Variants in FAT3 observed in about 807,000 individuals in gnomAD.
FAT3 encodes the protein FAT atypical cadherin 3, also known as protocadherin Fat 3.
Under a neutral mutation model 310.2 loss-of-function variants are expected in FAT3, and 95 were observed. That is an observed-to-expected ratio of 0.31 (90% CI 0.26 to 0.36). FAT3 has a LOEUF of 0.36. Among genes scored for constraint, FAT3 ranks in the 10% least tolerant of loss-of-function variants. The pLI is 1.00. For synonymous variants in FAT3, 2,314 were observed against 2,192.9 expected (o/e 1.06, Z -1.54); for missense variants, 5,408 against 5,715.6 (o/e 0.95, Z 1.74).
At chr11:92,773,962 C>G in intron 6 of FAT3, 79 bp from the exon 7 acceptor site, 1 of 1,512,906 alleles carries the variant, frequency 6.6e-7, no homozygotes, top group African/African-American at 1.4e-5. Flanking sequence ...TGTATAAGAG[C>G]TCCCTTTAAA....
chr11:92,829,062 T>TA (rs1948171789), intron 13 of FAT3, among the ~76,000 whole-genome samples: 2 of 152,168 alleles, frequency 1.3e-5, no homozygotes, highest in South Asian at 4.1e-4. Context: ...TGTCAGAAAT[T>TA]ACCTTCTTCC....
chr11:92,304,380 G>T (rs1947069985), intron 1 of FAT3, among the ~76,000 whole-genome samples: 1 of 152,084 alleles, frequency 6.6e-6, no homozygotes, highest in Non-Finnish European at 1.5e-5. Flanking sequence ...CTGCTTTACA[G>T]TTTCAGGGAG....
chr11:92,344,361 C>T (rs1054862387), intron 1 of FAT3, among the ~76,000 whole-genome samples: 1 of 152,140 alleles, frequency 6.6e-6, no homozygotes, highest in Non-Finnish European at 1.5e-5. Flanking sequence ...CTTTGTCCAG[C>T]GTGTCCATGC....
chr11:92,432,828 G>A (rs1375876031), intron 2 of FAT3, among the ~76,000 whole-genome samples: 1 of 152,144 alleles, frequency 6.6e-6, no homozygotes, highest in African/African-American at 2.4e-5. Context: ...CTGAAGCTGT[G>A]CCCATAGCTG....
At chr11:92,513,316 C>A (rs1465359942) in intron 2 of FAT3, among the ~76,000 whole-genome samples, 1 of 152,132 alleles carries the variant, frequency 6.6e-6, no homozygotes, top group Admixed American at 6.6e-5. Flanking sequence ...TGTTACCACA[C>A]ACTGTGCTGA....
At chr11:92,424,058 GGTTTT>G (rs553735323) in intron 2 of FAT3, among the ~76,000 whole-genome samples, 5 of 151,976 alleles carry the variant, frequency 3.3e-5, no homozygotes, top group Non-Finnish European at 7.4e-5. Context: ...CACCTACAAA[GGTTTT>G]GTTTTGTTTT....
At chr11:92,607,664 A>G (rs1429185787) in intron 3 of FAT3, among the ~76,000 whole-genome samples, 1 of 152,202 alleles carries the variant, frequency 6.6e-6, no homozygotes. Context: ...AATGCTGAGC[A>G]TCCTTGTGAA....
At chr11:92,413,118 A>G (rs1251266834) in intron 2 of FAT3, among the ~76,000 whole-genome samples, 1 of 152,144 alleles carries the variant, frequency 6.6e-6, no homozygotes, top group Non-Finnish European at 1.5e-5. Context: ...AACCCCTGTC[A>G]ATCACTGATC....
Position 92,801,613 on chromosome 11 carries a change from A to T in FAT3, c.8600A>T (p.Asn2867Ile). ...SQPEKVMEAF[N>I]IDSNTGWIST... ...CCCGAAAAGGTAATGGAAGCATTCA[A>T]TATTGACAGCAACACGGGCTGGATC... The change falls in exon 10 of 28, where the codon AAT becomes ATT. Residue 2867 changes from asparagine to isoleucine, a missense_variant. Around this residue, in one of 5 missense-constraint regions of FAT3, gnomAD observed 4,588 missense variants for 4,809.8 expected, o/e 0.95. Transcript: ENST00000525166. 1.9e-6 allele frequency: 3 copies of T among 1,613,510 alleles called. No individual in the cohort carries two copies. The highest frequency in any genetic ancestry group is 2.5e-6 in the Non-Finnish European group (3 of 1,179,682).
intron 1 of FAT3, among the ~76,000 whole-genome samples, chr11:92,306,543 TTA>T (rs1349023361): frequency 7.7e-5 from 10 of 130,380 alleles, no homozygotes; most frequent in South Asian, 2.2e-4. Flanking sequence ...TATATTTATA[TTA>T]TATATGTTAT....
chr11:92,525,020 T>A, intron 3 of FAT3, 72 bp downstream of exon 3: 2 of 1,236,928 alleles, frequency 1.6e-6, no homozygotes, highest in Non-Finnish European at 2.3e-6. Flanking sequence ...TGACACTTTC[T>A]GTACTCATTT....
chr11:92,762,794 C>T (rs1946189380), intron 5 of FAT3, among the ~76,000 whole-genome samples: 1 of 152,112 alleles, frequency 6.6e-6, no homozygotes, highest in African/African-American at 2.4e-5. Context: ...CTCCCCTGAT[C>T]CCAACCACTT....
At chr11:92,586,896 G>A (rs1160702845) in intron 3 of FAT3, among the ~76,000 whole-genome samples, 1 of 151,874 alleles carries the variant, frequency 6.6e-6, no homozygotes, top group Non-Finnish European at 1.5e-5. Context: ...TAACTGGAGA[G>A]GTTTTTAGAA....
In FAT3 at chr11:92,893,043, T is replaced by C. The variant is rs1949950383; in HGVS notation, c.*1930T>C. 1 of 152,258 alleles carries C rather than the reference T, an allele frequency of 6.6e-6. No homozygotes were observed. The highest frequency in any genetic ancestry group is 2.4e-5 in the African/African-American group (1 of 41,472). 9.4% of individuals were successfully genotyped at this position (152,258 alleles called of 1,614,324 possible). On this transcript the variant is annotated 3_prime_UTR_variant, in exon 28 of 28. Coordinates refer to ENST00000525166, the MANE Select transcript of FAT3 (RefSeq NM_001367949.2). ...AGTTTCTGATGACATATGGCATTGG[T>C]GTGTAAATTGTACTGTCCCTAGTCT...
chr11:92,838,030 ACT>A (rs1948449976), intron 17 of FAT3, among the ~76,000 whole-genome samples: 1 of 152,070 alleles, frequency 6.6e-6, no homozygotes. Flanking sequence ...TGCTTTATGC[ACT>A]CTGTCTCTCC....
intron 2 of FAT3, among the ~76,000 whole-genome samples, chr11:92,475,838 T>A (rs1952037276): frequency 6.6e-6 from 1 of 152,184 alleles, no homozygotes; most frequent in East Asian, 1.9e-4. Flanking sequence ...AATATAAATT[T>A]AAATTTATTT....
chr11:92,633,141 GTTTA>G (rs1289103889), intron 3 of FAT3, among the ~76,000 whole-genome samples: 3 of 152,142 alleles, frequency 2.0e-5, no homozygotes, highest in South Asian at 2.1e-4. Flanking sequence ...CACCAACTCT[GTTTA>G]TTTATGCATA....
At chr11:92,555,704 A>G (rs1355163600) in intron 3 of FAT3, among the ~76,000 whole-genome samples, 2 of 152,214 alleles carry the variant, frequency 1.3e-5, no homozygotes, top group East Asian at 3.9e-4. Flanking sequence ...CTTCTTCCTC[A>G]AGACTGGGTC....
intron 2 of FAT3, among the ~76,000 whole-genome samples, chr11:92,398,644 A>G (rs1337024058): frequency 1.3e-5 from 2 of 152,000 alleles, no homozygotes; most frequent in East Asian, 1.9e-4. Flanking sequence ...TCTGACATAT[A>G]CTTGGGTGGG....
Sources: gnomAD v4.1 joint callset for allele counts (sites outside exome capture counted in the v4.1 genomes callset) on GRCh38, gnomAD v4.1.1 for gene constraint, gnomAD v4.1.1 regional missense constraint, MANE v1.5 for transcripts, NCBI Gene and HGNC (gene_info 2026-07-23, HGNC 2026-07-21) for gene names.